TRDMT1: variants seen among roughly 807,000 people sequenced by gnomAD.
TRDMT1 encodes the protein tRNA aspartic acid methyltransferase 1.
A neutral mutation model predicts 51.2 loss-of-function variants in TRDMT1; 49 were observed. The ratio of observed to expected loss-of-function variants is 0.96; its 90% CI spans 0.76 to 1.21. TRDMT1 has a LOEUF of 1.21. Ranked by LOEUF, TRDMT1 falls within the 50% of genes most tolerant of loss-of-function variation. TRDMT1 has a pLI of 0.00. For synonymous variants in TRDMT1, 187 were observed against 164.6 expected, an observed-to-expected ratio of 1.14 and a Z score of -1.04; for missense variants, 534 against 462.3, an observed-to-expected ratio of 1.16 and a Z score of -1.42.
rs1356026383 is a variant in TRDMT1 at position 17,141,173 on chromosome 10, TA to T, written c.*7866del. On this transcript the variant is annotated 3_prime_UTR_variant, in exon 11 of 11. Coordinates refer to ENST00000377799, the MANE Select transcript of TRDMT1 (RefSeq NM_004412.7). Reference sequence around the variant, plus strand: ...CTCCAGCTGCTTTTATTTATTTATTTATTTTTTTGAGACGGAGTCTCACTCT... The same window carrying T: ...CTCCAGCTGCTTTTATTTATTTATTTTTTTTTTGAGACGGAGTCTCACTCT... Among the ~76,000 whole-genome samples the T allele has an allele frequency of 1.3e-4, 20 of 152,168 alleles. No homozygotes were observed. Among genetic ancestry groups the T allele is most frequent in the Non-Finnish European group, 2.2e-4 (15 of 68,038 alleles).
chr10:17,184,115 G>C (rs1843611835), intron 1 of TRDMT1, among the ~76,000 whole-genome samples: 1 of 152,118 alleles, frequency 6.6e-6, no homozygotes, highest in Non-Finnish European at 1.5e-5. Context: ...GAAGTCAAAA[G>C]ATATAAACTA....
At chr10:17,157,980 C>A (rs1207495735) in intron 7 of TRDMT1, among the ~76,000 whole-genome samples, 196 bp from the exon 8 acceptor site, 1 of 152,020 alleles carries the variant, frequency 6.6e-6, no homozygotes, top group African/African-American at 2.4e-5. Flanking sequence ...TGTCATCAGG[C>A]TGCAGATGAT....
Position 17,146,084 on chromosome 10 carries a change from A to G in TRDMT1, c.*2956T>C. On this transcript the variant is annotated 3_prime_UTR_variant, in exon 11 of 11. Coordinates refer to ENST00000377799, the MANE Select transcript of TRDMT1 (RefSeq NM_004412.7). ...ATTTTACATCCCACATGGTAGCAAT[A>G]CAGCCTTTCAGGGCAACTTAAAAGC... The G allele has an allele frequency of 1.0e-6, 1 of 985,350 alleles. No homozygotes were observed. The highest frequency in any genetic ancestry group is 1.2e-6 in the Non-Finnish European group (1 of 829,934). The allele number at this position is 985,350 out of a possible 1,614,324, so 61.0% of individuals were successfully genotyped here.
At chr10:17,179,967 A>G (rs1178739348) in intron 1 of TRDMT1, among the ~76,000 whole-genome samples, 1 of 152,170 alleles carries the variant, frequency 6.6e-6, no homozygotes, top group Non-Finnish European at 1.5e-5. Context: ...GGAGGAGGAT[A>G]GTCCCACTAA....
chr10:17,182,972 G>A (rs1157723074), intron 1 of TRDMT1, among the ~76,000 whole-genome samples: 1 of 152,134 alleles, frequency 6.6e-6, no homozygotes, highest in Non-Finnish European at 1.5e-5. Flanking sequence ...ACTGTCTAAT[G>A]CCAGCAAGGA....
chr10:17,201,409 G>A (rs2131653626), intron 1 of TRDMT1, 162 bp downstream of exon 1: 2 of 642,224 alleles, frequency 3.1e-6, no homozygotes, highest in Middle Eastern at 4.0e-4. Flanking sequence ...GGTGGACACG[G>A]CGGCGCGCAG....
chr10:17,173,803 C>T (rs111591560), intron 2 of TRDMT1, among the ~76,000 whole-genome samples: 1,640 of 137,398 alleles, frequency 0.012, 36 homozygotes, highest in African/African-American at 0.042. Flanking sequence ...GAGACAAAGT[C>T]GACCAGGCTG....
At chr10:17,164,555 G>A (rs1302412981) in intron 3 of TRDMT1, among the ~76,000 whole-genome samples, 3 of 152,194 alleles carry the variant, frequency 2.0e-5, no homozygotes, top group South Asian at 2.1e-4. Flanking sequence ...AGGGCATTCA[G>A]TTAGGAAAAG....
rs1002042857 is a variant in TRDMT1 at position 17,145,663 on chromosome 10, T to C, written c.*3377A>G. 5.1e-6 allele frequency: 5 copies of C among 985,296 alleles called. No homozygotes were observed. The African/African-American group carries it at 8.7e-5, about 17-fold the overall frequency. The allele number at this position is 985,296 out of a possible 1,614,324, so 61.0% of individuals were successfully genotyped here. On this transcript the variant is annotated 3_prime_UTR_variant, in exon 11 of 11. Coordinates refer to ENST00000377799, the MANE Select transcript of TRDMT1 (RefSeq NM_004412.7). ...ATTCAGGAAAACCCACTTTAATCTC[T>C]TTGTCTATGTGGGATTAAAATTTGG...
chr10:17,177,409 C>G (rs1002943800), intron 1 of TRDMT1, among the ~76,000 whole-genome samples: 1 of 151,928 alleles, frequency 6.6e-6, no homozygotes, highest in Admixed American at 6.6e-5. Context: ...ACCATATTGG[C>G]CAGGCTGGTC....
chr10:17,173,980 G>C (rs1462940412), intron 2 of TRDMT1, among the ~76,000 whole-genome samples: 1 of 152,038 alleles, frequency 6.6e-6, no homozygotes, highest in Non-Finnish European at 1.5e-5. Flanking sequence ...AGCCAGGCTG[G>C]TCTCGAACTC....
intron 2 of TRDMT1, among the ~76,000 whole-genome samples, chr10:17,169,783 G>A (rs1841715829): frequency 6.6e-6 from 1 of 152,176 alleles, no homozygotes. Flanking sequence ...TGTATTAACA[G>A]TTTGAATGTG....
At position 17,140,532 on chromosome 10, in the gene TRDMT1, A is replaced by C. The variant is rs1837587405; in HGVS notation, c.*8508T>G. On this transcript the variant is annotated 3_prime_UTR_variant, in exon 11 of 11. Transcript: ENST00000377799. ...AGGTACTGAGGATACACAAATGGGCAAGATGTAGCTTCTGCTCTGGAGGAA... is the reference window on the plus strand; with the variant it reads ...AGGTACTGAGGATACACAAATGGGCCAGATGTAGCTTCTGCTCTGGAGGAA... Among the ~76,000 whole-genome samples the C allele has an allele frequency of 6.6e-6, 1 of 152,174 alleles. No individual in the cohort carries two copies. Among genetic ancestry groups the C allele is most frequent in the Non-Finnish European group, 1.5e-5 (1 of 68,036 alleles).
intron 1 of TRDMT1, among the ~76,000 whole-genome samples, chr10:17,194,176 G>T (rs937791216): frequency 3.3e-5 from 5 of 152,092 alleles, no homozygotes; most frequent in Non-Finnish European, 5.9e-5. Flanking sequence ...TTAAAGACTT[G>T]AACGTAAGAC....
At position 17,153,587 on chromosome 10, in the gene TRDMT1, A is replaced by T. The variant is rs1839079932; in HGVS notation, c.995T>A (p.Ile332Lys). Residue 332 changes from isoleucine (I) to lysine (K), a missense_variant, in exon 10 of 11, where the codon ATA becomes AAA. Coordinates refer to ENST00000377799, the MANE Select transcript of TRDMT1 (RefSeq NM_004412.7). ...SLTNLSQEEQ[I>K]TKLLILKLRY... is the part of the protein sequence containing the mutation. ...CAGTTTAAGTATTAACAGCTTTGTTATCTGTTCTTCTTGTGACAAATTGGT... is the reference window on the plus strand; with the variant it reads ...CAGTTTAAGTATTAACAGCTTTGTTTTCTGTTCTTCTTGTGACAAATTGGT... The T allele has an allele frequency of 3.7e-6, 6 of 1,610,664 alleles. No individual in the cohort carries two copies. Among genetic ancestry groups the T allele is most frequent in the Non-Finnish European group, 5.1e-6 (6 of 1,178,780 alleles).
chr10:17,186,198 T>C (rs150832072), intron 1 of TRDMT1, among the ~76,000 whole-genome samples: 77 of 152,320 alleles, frequency 5.1e-4, no homozygotes, highest in African/African-American at 1.5e-3. Context: ...TTTTATGTTT[T>C]GGCACATTTC....
At position 17,141,463 on chromosome 10, in the gene TRDMT1, AGCT is replaced by A. The variant is rs2131348101; in HGVS notation, c.*7574_*7576del. 6.6e-6 allele frequency among the ~76,000 whole-genome samples: 1 copy of A among 152,160 alleles called. No homozygotes were observed. Among genetic ancestry groups the A allele is most frequent in the South Asian group, 2.1e-4 (1 of 4,808 alleles). ...GTGTCAGCCACCGCGCCCAGCCTCC[AGCT>A]GCTTTTAAGGTTTTGCCAAATTTGG... On this transcript the variant is annotated 3_prime_UTR_variant, in exon 11 of 11. Transcript: ENST00000377799.
intron 10 of TRDMT1, among the ~76,000 whole-genome samples, chr10:17,149,562 A>C (rs1652013951): frequency 6.6e-6 from 1 of 152,120 alleles, no homozygotes; most frequent in African/African-American, 2.4e-5. Context: ...ATAGTCACTG[A>C]GTTTTTCAAA....
At position 17,169,563 on chromosome 10, in the gene TRDMT1, G is replaced by T. The variant is rs909168521; in HGVS notation, c.175-646C>A. On this transcript the variant is annotated intron_variant, in intron 2 of 10. Transcript: ENST00000377799. ...TTCTATATCTCAGAAGACAAACACA[G>T]GGAAGCACACGTCAGGGGTTTGCCA... 5 of 1,283,328 alleles carry T rather than the reference G, an allele frequency of 3.9e-6. No homozygotes were observed. In the African/African-American group the frequency reaches 7.6e-5, roughly 20 times the overall value. The allele number at this position is 1,283,328 out of a possible 1,614,324, so 79.5% of individuals were successfully genotyped here. A position where few individuals can be genotyped will look rare whatever the true frequency, so the allele number is the denominator to read the frequency against.
Sources: gnomAD v4.1 joint callset for allele counts (sites outside exome capture counted in the v4.1 genomes callset) on GRCh38, gnomAD v4.1.1 for gene constraint, MANE v1.5 for transcripts, NCBI Gene and HGNC (gene_info 2026-07-23, HGNC 2026-07-21) for gene names.